The following PPP2R2B variants were observed in gnomAD, a reference collection of about 807,000 sequenced individuals.
The protein encoded by PPP2R2B is protein phosphatase 2 regulatory subunit Bbeta.
Under a neutral mutation model 46.0 loss-of-function variants are expected in PPP2R2B, and 5 were observed. The ratio of observed to expected loss-of-function variants is 0.11; its 90% CI spans 0.06 to 0.23. The LOEUF (loss-of-function observed/expected upper bound fraction) is 0.23. Ranked by LOEUF, PPP2R2B falls within the 10% of genes least tolerant of loss-of-function variation. PPP2R2B has a pLI of 1.00. For missense variants in PPP2R2B, 367 were observed against 575.0 expected (o/e 0.64, Z 3.70); for synonymous variants, 215 against 206.7 (o/e 1.04, Z -0.34).
intron 1 of PPP2R2B, among the ~76,000 whole-genome samples, chr5:147,053,628 C>A (rs562108649): frequency 6.6e-6 from 1 of 151,686 alleles, no homozygotes; most frequent in South Asian, 2.1e-4. Flanking sequence ...GTAAGTGTAA[C>A]CAGTTTCTGG....
chr5:146,683,024 C>A (rs1315605691), intron 5 of PPP2R2B, among the ~76,000 whole-genome samples: 5 of 152,158 alleles, frequency 3.3e-5, no homozygotes, highest in Non-Finnish European at 7.4e-5. Context: ...ATCTGATCTT[C>A]AGGATGGCCA....
At chr5:146,837,495 C>T (rs967600131) in intron 2 of PPP2R2B, among the ~76,000 whole-genome samples, 8 of 152,114 alleles carry the variant, frequency 5.3e-5, no homozygotes, top group Non-Finnish European at 5.9e-5. Flanking sequence ...TATAAGGTGG[C>T]ACAGTGAAGT....
chr5:147,022,030 G>A (rs1047319371), intron 1 of PPP2R2B, among the ~76,000 whole-genome samples: 1 of 152,036 alleles, frequency 6.6e-6, no homozygotes, highest in Admixed American at 6.6e-5. Context: ...TGTTTGAGAT[G>A]AAATTTACTG....
At chr5:146,600,648 G>T (rs1351332608) in intron 7 of PPP2R2B, among the ~76,000 whole-genome samples, 188 bp from the exon 8 acceptor site, 1 of 152,064 alleles carries the variant, frequency 6.6e-6, no homozygotes, top group Non-Finnish European at 1.5e-5. Context: ...TTAGTTTCTG[G>T]ATTTTAATTC....
intron 5 of PPP2R2B, among the ~76,000 whole-genome samples, chr5:146,690,530 A>C (rs923950080): frequency 1.3e-5 from 2 of 152,234 alleles, no homozygotes. Context: ...GAAGGAAGCC[A>C]CTCAGACTGA....
At chr5:146,966,980 C>T (rs886829898) in intron 1 of PPP2R2B, among the ~76,000 whole-genome samples, 1 of 152,148 alleles carries the variant, frequency 6.6e-6, no homozygotes. Flanking sequence ...ATTATAATGC[C>T]ATACCTTATT....
chr5:146,933,423 T>C (rs1346014487), intron 1 of PPP2R2B, among the ~76,000 whole-genome samples: 7 of 152,142 alleles, frequency 4.6e-5, no homozygotes, highest in Non-Finnish European at 8.8e-5. Flanking sequence ...TGAAAATGAT[T>C]ATTAGGGAGT....
At position 147,066,516 on chromosome 5, in the gene PPP2R2B, A is replaced by G. The variant is rs140350844; in HGVS notation, c.50+14543T>C. Among the ~76,000 whole-genome samples, 793 of 152,266 alleles carry G rather than the reference A, an allele frequency of 5.2e-3. 5 individuals carry two copies. The highest frequency in any genetic ancestry group is 8.5e-3 in the Non-Finnish European group (575 of 68,014). On this transcript the variant is annotated intron_variant, in intron 2 of 10. Coordinates refer to the PPP2R2B transcript ENST00000394413. ...CTTTCTGGAACCTGTGCTCTTCACT[A>G]TGGTGTCATGCAGCCTCTGCTAAGA...
chr5:146,689,951 CAG>C (rs1778737722), intron 5 of PPP2R2B, among the ~76,000 whole-genome samples: 1 of 152,212 alleles, frequency 6.6e-6, no homozygotes, highest in South Asian at 2.1e-4. Flanking sequence ...GTGGTCAGCA[CAG>C]AGTCTATATT....
chr5:147,078,648 T>TA (rs1004431038), intron 2 of PPP2R2B, among the ~76,000 whole-genome samples: 9 of 149,918 alleles, frequency 6.0e-5, no homozygotes, highest in Admixed American at 2.0e-4. Flanking sequence ...AAATAAAAAT[T>TA]AAAAAAAAAT....
At chr5:146,745,178 G>C (rs1436771978) in intron 2 of PPP2R2B, among the ~76,000 whole-genome samples, 1 of 114,092 alleles carries the variant, frequency 8.8e-6, no homozygotes, top group Admixed American at 9.6e-5. Flanking sequence ...GAGAGAGAGA[G>C]AGAGAGAGAG....
intron 2 of PPP2R2B, among the ~76,000 whole-genome samples, chr5:147,071,176 C>G (rs1757583827): frequency 6.6e-6 from 1 of 151,998 alleles, no homozygotes; most frequent in South Asian, 2.1e-4. Context: ...GTCTTGGGAC[C>G]AAGCTGACAT....
chr5:147,080,217 G>A (rs1757933620), intron 2 of PPP2R2B, among the ~76,000 whole-genome samples: 1 of 152,170 alleles, frequency 6.6e-6, no homozygotes, highest in African/African-American at 2.4e-5. Context: ...ATGCATGTTA[G>A]TTTGAGTATA....
chr5:146,589,759 TA>T lies in PPP2R2B; in HGVS notation c.*187del. ...ATTCTAAACAGAAGTGTCCCAAACC[TA>T]TTGGGTTTGACAAAAGTTTCTTAGA... On this transcript the variant is annotated 3_prime_UTR_variant, in exon 10 of 10. Transcript: ENST00000394411. The T allele has an allele frequency of 1.6e-6, 1 of 622,154 alleles. No individual in the cohort carries two copies. The highest frequency in any genetic ancestry group is 2.8e-5 in the East Asian group (1 of 35,838). 38.5% of individuals were successfully genotyped at this position (622,154 alleles called of 1,614,324 possible).
At chr5:147,035,298 C>T (rs534711217) in intron 1 of PPP2R2B, 2 of 359,438 alleles carry the variant, frequency 5.6e-6, no homozygotes, top group Admixed American at 3.7e-5. Flanking sequence ...CCACACTTTT[C>T]AACCATTAGA....
chr5:146,856,987 C>T (rs554091201), intron 2 of PPP2R2B, among the ~76,000 whole-genome samples: 2 of 152,040 alleles, frequency 1.3e-5, no homozygotes, highest in Admixed American at 6.6e-5. Context: ...TTCTAATGCA[C>T]GTTAAAGTTT....
chr5:146,880,520 A>G (rs1360260511), upstream of PPP2R2B, among the ~76,000 whole-genome samples: 6 of 152,272 alleles, frequency 3.9e-5, no homozygotes, highest in Middle Eastern at 3.4e-3. Flanking sequence ...AGCTAAGTTC[A>G]TCTCTTAGTG....
chr5:146,632,648 A>C (rs991153247), intron 7 of PPP2R2B, among the ~76,000 whole-genome samples: 4 of 152,224 alleles, frequency 2.6e-5, no homozygotes, highest in African/African-American at 2.4e-5. Flanking sequence ...CTATGAAAGA[A>C]ATAAAGAAAT....
intron 7 of PPP2R2B, among the ~76,000 whole-genome samples, chr5:146,608,348 C>T (rs1477889664): frequency 6.6e-6 from 1 of 152,168 alleles, no homozygotes; most frequent in East Asian, 1.9e-4. Flanking sequence ...AGGAGTCAGA[C>T]ATATTGGGGC....
Sources: allele counts gnomAD v4.1 joint callset (sites outside exome capture counted in the v4.1 genomes callset), GRCh38; gene constraint gnomAD v4.1.1; transcripts MANE v1.5; gene names NCBI Gene and HGNC (gene_info 2026-07-23, HGNC 2026-07-21).